The following SUMF1 variants were observed in gnomAD, a reference collection of about 807,000 sequenced individuals.
SUMF1 encodes sulfatase modifying factor 1, also known as formylglycine-generating enzyme.
SUMF1 carries 48 observed loss-of-function variants against 47.6 expected under a neutral mutation model. That is an observed-to-expected ratio of 1.01 (90% CI 0.80 to 1.28). The LOEUF is 1.28. Ranked by LOEUF, SUMF1 falls within the 50% of genes most tolerant of loss-of-function variation. The pLI is 0.00. For synonymous variants in SUMF1, 230 were observed against 192.1 expected (o/e 1.20, Z -1.63); for missense variants, 571 against 485.4 (o/e 1.18, Z -1.66).
intron 8 of SUMF1, among the ~76,000 whole-genome samples, chr3:4,294,821 T>C (rs1240813779): frequency 6.6e-6 from 1 of 152,088 alleles, no homozygotes; most frequent in Non-Finnish European, 1.5e-5. Context: ...GAAGTTCTAA[T>C]GATGAGGATT....
intron 8 of SUMF1, among the ~76,000 whole-genome samples, chr3:4,071,224 C>T (rs970739766): frequency 7.2e-5 from 11 of 152,068 alleles, no homozygotes; most frequent in African/African-American, 1.4e-4. Context: ...CAGCTCCCAG[C>T]GAGATCGACA....
intron 7 of SUMF1, among the ~76,000 whole-genome samples, chr3:4,391,402 G>A: frequency 6.6e-6 from 1 of 152,062 alleles, no homozygotes; most frequent in African/African-American, 2.4e-5. Flanking sequence ...CTTTACACAT[G>A]TGTTAAAATT....
At chr3:4,408,786 A>G (rs1701452086) in intron 7 of SUMF1, among the ~76,000 whole-genome samples, 1 of 151,948 alleles carries the variant, frequency 6.6e-6, no homozygotes, top group African/African-American at 2.4e-5. Context: ...GTCTGGCCAA[A>G]ATGGCGAAAC....
intron 8 of SUMF1, among the ~76,000 whole-genome samples, chr3:4,148,367 T>A (rs1292814485): frequency 1.3e-5 from 2 of 152,158 alleles, no homozygotes; most frequent in Non-Finnish European, 2.9e-5. Flanking sequence ...TGCTTCAGTT[T>A]AGTAGGTGGA....
intron 8 of SUMF1, among the ~76,000 whole-genome samples, chr3:4,163,836 T>A (rs995393431): frequency 1.3e-5 from 2 of 152,118 alleles, no homozygotes; most frequent in Non-Finnish European, 2.9e-5. Flanking sequence ...TAGACAGCCA[T>A]CATCTTATAT....
chr3:4,217,841 C>T (rs895677934), intron 8 of SUMF1, among the ~76,000 whole-genome samples: 1 of 149,066 alleles, frequency 6.7e-6, no homozygotes, highest in African/African-American at 2.5e-5. Flanking sequence ...AGTTGTATAC[C>T]AGCTGAGAAA....
At chr3:4,167,061 C>A (rs997123424) in intron 8 of SUMF1, among the ~76,000 whole-genome samples, 25 of 152,002 alleles carry the variant, frequency 1.6e-4, no homozygotes, top group Non-Finnish European at 1.0e-4. Flanking sequence ...TGGCGATACC[C>A]CGGATAAGCC....
At chr3:4,190,634 G>C (rs1695294902) in intron 8 of SUMF1, among the ~76,000 whole-genome samples, 1 of 152,048 alleles carries the variant, frequency 6.6e-6, no homozygotes, top group African/African-American at 2.4e-5. Context: ...TGAGAAAAAG[G>C]TATTATAAAT....
At chr3:4,358,263 A>G (rs1699666526), downstream of SUMF1, among the ~76,000 whole-genome samples, 1 of 152,206 alleles carries the variant, frequency 6.6e-6, no homozygotes, top group Admixed American at 6.5e-5. Context: ...AGGATTCAGG[A>G]CTAAAGCAGA....
At chr3:4,305,465 T>C (rs1021706178) in intron 8 of SUMF1, among the ~76,000 whole-genome samples, 2 of 152,278 alleles carry the variant, frequency 1.3e-5, no homozygotes, top group East Asian at 1.9e-4. Context: ...ATGTTTCTTA[T>C]CTAACTTAAA....
At chr3:4,271,802 C>T (rs540871919) in intron 8 of SUMF1, among the ~76,000 whole-genome samples, 67 of 152,130 alleles carry the variant, frequency 4.4e-4, no homozygotes, top group African/African-American at 1.4e-3. Flanking sequence ...CTGGTCTATG[C>T]CATCAATTTA....
At chr3:4,222,902 G>A (rs774029797) in intron 8 of SUMF1, among the ~76,000 whole-genome samples, 8 of 152,044 alleles carry the variant, frequency 5.3e-5, no homozygotes, top group Admixed American at 1.3e-4. Flanking sequence ...GATGTGCCCC[G>A]AGTCCTACAA....
chr3:4,298,082 C>A (rs1444360262), intron 8 of SUMF1, among the ~76,000 whole-genome samples: 1 of 151,956 alleles, frequency 6.6e-6, no homozygotes, highest in Non-Finnish European at 1.5e-5. Context: ...TTCTCTTCTG[C>A]CAGTGAAAAA....
At chr3:4,163,363 AAAGG>A (rs1559525206) in intron 8 of SUMF1, among the ~76,000 whole-genome samples, 1 of 31,572 alleles carries the variant, frequency 3.2e-5, no homozygotes, top group Non-Finnish European at 5.9e-5. Flanking sequence ...AGAGAGAGAG[AAAGG>A]AAGGAAGGAA....
rs550535578 is a variant in SUMF1 at position 4,163,524 on chromosome 3, C to G, written c.1015-94779G>C. Among the ~76,000 whole-genome samples, 15 of 148,198 alleles carry G rather than the reference C, an allele frequency of 1.0e-4. No homozygotes were observed. The South Asian group carries it at 3.3e-3, about 33-fold the overall frequency. On this transcript the variant is annotated intron_variant and NMD_transcript_variant, in intron 8 of 12. Coordinates refer to the SUMF1 transcript ENST00000448413. ...CTATTACAGGATCTTTCTTCTATCT[C>G]TTTGTTGATATTCTGGTTTTCTTGT...
intron 8 of SUMF1, among the ~76,000 whole-genome samples, chr3:4,164,431 T>C (rs888743263): frequency 6.6e-6 from 1 of 152,200 alleles, no homozygotes; most frequent in Non-Finnish European, 1.5e-5. Context: ...TGGGGGCTTC[T>C]GGCCCAAAGA....
intron 8 of SUMF1, among the ~76,000 whole-genome samples, chr3:4,334,965 G>C (rs577547338): frequency 1.3e-5 from 2 of 152,288 alleles, no homozygotes; most frequent in African/African-American, 2.4e-5. Flanking sequence ...ACAGCACAGA[G>C]AGAGAGGCTG....
intron 8 of SUMF1, among the ~76,000 whole-genome samples, chr3:4,337,087 C>T (rs308733): frequency 0.78 from 118,569 of 152,116 alleles, 46,745 homozygotes; most frequent in African/African-American, 0.9. Context: ...TGGCATTTCC[C>T]ATATTCCATC....
intron 8 of SUMF1, among the ~76,000 whole-genome samples, chr3:4,251,008 A>G (rs1040417963): frequency 5.3e-5 from 8 of 152,194 alleles, no homozygotes; most frequent in African/African-American, 1.9e-4. Flanking sequence ...TTTATTTAAG[A>G]AATAAATTTC....
Sources: allele counts gnomAD v4.1 joint callset (sites outside exome capture counted in the v4.1 genomes callset), GRCh38; gene constraint gnomAD v4.1.1; transcripts MANE v1.5; gene names NCBI Gene and HGNC (gene_info 2026-07-23, HGNC 2026-07-21).